SCRN1: variants seen among roughly 807,000 people sequenced by gnomAD.
SCRN1 encodes secernin-1.
SCRN1 carries 19 observed loss-of-function variants against 43.3 expected under a neutral mutation model. The observed-to-expected ratio is 0.44, with a 90% CI of 0.31 to 0.64. SCRN1 has a LOEUF of 0.64. Among genes scored for constraint, SCRN1 ranks in the 30% least tolerant of loss-of-function variants. SCRN1 has a pLI of 0.09. For synonymous variants in SCRN1, 183 were observed against 188.9 expected (o/e 0.97, Z 0.26); for missense variants, 447 against 524.1 (o/e 0.85, Z 1.44).
intron 6 of SCRN1, among the ~76,000 whole-genome samples, chr7:29,934,013 C>A (rs913032056): frequency 5.9e-5 from 9 of 152,214 alleles, no homozygotes; most frequent in Admixed American, 3.3e-4. Flanking sequence ...ATGTTTCTTG[C>A]TGACAAAAGA....
intron 7 of SCRN1, among the ~76,000 whole-genome samples, chr7:29,926,078 C>T (rs1198191430): frequency 5.3e-5 from 8 of 152,058 alleles, no homozygotes; most frequent in Admixed American, 1.3e-4. Flanking sequence ...TAAAATGTTG[C>T]CAGCAAATAA....
chr7:29,940,998 T>C, intron 4 of SCRN1, 122 bp from the exon 5 acceptor site: 1 of 812,046 alleles, frequency 1.2e-6, no homozygotes, highest in East Asian at 3.2e-5. Context: ...AGGAATCCAT[T>C]TAATTTTTGA....
chr7:29,955,072 T>A (rs1449751442), intron 3 of SCRN1, 107 bp downstream of exon 3: 1 of 908,550 alleles, frequency 1.1e-6, no homozygotes, highest in Admixed American at 2.3e-5. Context: ...GCACACATCA[T>A]CTTTGGAAGG....
At chr7:29,978,178 G>A (rs909160169) in intron 1 of SCRN1, among the ~76,000 whole-genome samples, 2 of 152,220 alleles carry the variant, frequency 1.3e-5, no homozygotes, top group Non-Finnish European at 2.9e-5. Context: ...TGGAACAGGG[G>A]TGACAGACTG....
intron 1 of SCRN1, among the ~76,000 whole-genome samples, chr7:29,988,196 T>G (rs1307807423): frequency 6.6e-6 from 1 of 152,154 alleles, no homozygotes; most frequent in African/African-American, 2.4e-5. Flanking sequence ...TGGATGATGT[T>G]TACAATGTGC....
intron 5 of SCRN1, among the ~76,000 whole-genome samples, chr7:29,937,383 G>A (rs1019541784): frequency 6.6e-6 from 1 of 152,190 alleles, no homozygotes; most frequent in Non-Finnish European, 1.5e-5. Flanking sequence ...TTCCTGTGTT[G>A]AGTCACAGTA....
At chr7:29,951,407 G>A (rs1787915795) in intron 3 of SCRN1, among the ~76,000 whole-genome samples, 1 of 152,208 alleles carries the variant, frequency 6.6e-6, no homozygotes, top group South Asian at 2.1e-4. Context: ...GCAGGGCCAA[G>A]TGGTGGAACA....
chr7:29,980,517 T>C (rs1183968172), intron 1 of SCRN1, among the ~76,000 whole-genome samples: 2 of 152,230 alleles, frequency 1.3e-5, no homozygotes, highest in East Asian at 3.8e-4. Context: ...TTGTTAACTC[T>C]GTAAACTGGG....
chr7:29,956,906 T>C (rs1302973458), intron 2 of SCRN1, among the ~76,000 whole-genome samples: 1 of 152,224 alleles, frequency 6.6e-6, no homozygotes, highest in Non-Finnish European at 1.5e-5. Flanking sequence ...TCTGCTCCTC[T>C]GTGCTCTTCT....
chr7:29,962,173 AATAAT>A (rs1788344521), intron 2 of SCRN1, among the ~76,000 whole-genome samples: 1 of 148,632 alleles, frequency 6.7e-6, no homozygotes, highest in South Asian at 2.1e-4. Flanking sequence ...GTAATTATTA[AATAAT>A]ATAATTATTT....
intron 3 of SCRN1, among the ~76,000 whole-genome samples, chr7:29,952,384 T>G (rs1378472392): frequency 6.6e-6 from 1 of 152,128 alleles, no homozygotes; most frequent in East Asian, 1.9e-4. Context: ...ATACTAGAAT[T>G]AAATCATTAA....
Position 29,920,283 on chromosome 7 carries a change from C to T in SCRN1, c.*3674G>A, listed in dbSNP as rs1172178621. ...ATTTTCTTTTTTTTTTATTATTATT[C>T]CCTGCCAATAGCATTTTCCATCTAA... On this transcript the variant is annotated 3_prime_UTR_variant, in exon 8 of 8. Transcript: ENST00000242059. 3 of 152,200 alleles carry T rather than the reference C, an allele frequency of 2.0e-5. No individual in the cohort carries two copies. The highest frequency in any genetic ancestry group is 2.9e-5 in the Non-Finnish European group (2 of 67,978). The allele number at this position is 152,200 out of a possible 1,614,324, so 9.4% of individuals were successfully genotyped here.
chr7:29,957,702 A>G (rs1788178468), intron 2 of SCRN1, among the ~76,000 whole-genome samples: 2 of 152,216 alleles, frequency 1.3e-5, no homozygotes, highest in African/African-American at 2.4e-5. Context: ...GAAATGAGGA[A>G]ACACATCCGC....
chr7:29,929,108 G>A (rs1291943922), intron 6 of SCRN1, among the ~76,000 whole-genome samples: 1 of 152,212 alleles, frequency 6.6e-6, no homozygotes, highest in African/African-American at 2.4e-5. Flanking sequence ...GGGTTTCCTG[G>A]GAAGTCAGCG....
chr7:29,954,313 T>C (rs1788056093), intron 3 of SCRN1, among the ~76,000 whole-genome samples: 1 of 151,958 alleles, frequency 6.6e-6, no homozygotes, highest in Non-Finnish European at 1.5e-5. Context: ...CTTTTCTAGT[T>C]TATGATTTTT....
intron 6 of SCRN1, among the ~76,000 whole-genome samples, chr7:29,932,567 G>A (rs1363028749): frequency 2.2e-5 from 3 of 138,024 alleles, no homozygotes; most frequent in Non-Finnish European, 3.1e-5. Context: ...AAGGAGAATC[G>A]TTTGAACCCA....
chr7:29,942,515 C>T (rs1303049687), intron 4 of SCRN1, among the ~76,000 whole-genome samples: 1 of 152,200 alleles, frequency 6.6e-6, no homozygotes, highest in Non-Finnish European at 1.5e-5. Context: ...TGCTTTGAAG[C>T]ATGGATTACT....
chr7:29,982,530 T>C (rs1789019945), intron 1 of SCRN1, among the ~76,000 whole-genome samples: 2 of 151,484 alleles, frequency 1.3e-5, no homozygotes, highest in Admixed American at 1.3e-4. Context: ...AAAATAAAAA[T>C]AAATTAGTCA....
chr7:29,961,726 G>A (rs1177229155), intron 2 of SCRN1, among the ~76,000 whole-genome samples: 2 of 151,938 alleles, frequency 1.3e-5, no homozygotes, highest in Non-Finnish European at 1.5e-5. Flanking sequence ...AGGGGCCGCC[G>A]GGCAGAGGCG....
Sources: allele counts gnomAD v4.1 joint callset (sites outside exome capture counted in the v4.1 genomes callset), GRCh38; gene constraint gnomAD v4.1.1; transcripts MANE v1.5; gene names NCBI Gene and HGNC (gene_info 2026-07-23, HGNC 2026-07-21).